The following APBB2 variants were observed in gnomAD, a reference collection of about 807,000 sequenced individuals.
APBB2 encodes amyloid beta precursor protein binding family B member 2, also known as Fe65-like 1.
In APBB2, 38 loss-of-function variants were observed where a neutral mutation model predicts 82.5. The ratio of observed to expected loss-of-function variants is 0.46; its 90% CI spans 0.36 to 0.60. The LOEUF is 0.60. APBB2 is among the 20% of genes least tolerant of loss of function. The pLI is 0.00. For synonymous variants in APBB2, 341 were observed against 368.2 expected, an observed-to-expected ratio of 0.93 and a Z score of 0.85; for missense variants, 772 against 972.3, an observed-to-expected ratio of 0.79 and a Z score of 2.74.
At chr4:40,860,932 G>A (rs985885117) in intron 12 of APBB2, among the ~76,000 whole-genome samples, 2 of 152,082 alleles carry the variant, frequency 1.3e-5, no homozygotes, top group African/African-American at 4.8e-5. Context: ...CCTACTTCCC[G>A]AGGGCTCGTC....
intron 3 of APBB2, among the ~76,000 whole-genome samples, chr4:41,081,644 T>TTTA (rs1282851520): frequency 6.6e-6 from 1 of 152,192 alleles, no homozygotes; most frequent in East Asian, 1.9e-4. Context: ...CCTCCAAACA[T>TTTA]TTATACACAG....
intron 3 of APBB2, among the ~76,000 whole-genome samples, chr4:41,078,240 T>C (rs927261367): frequency 1.3e-5 from 2 of 152,100 alleles, no homozygotes; most frequent in Admixed American, 6.5e-5. Context: ...AATATAAACA[T>C]ATTAATTTGC....
intron 12 of APBB2, among the ~76,000 whole-genome samples, chr4:40,873,267 C>A (rs1398661876): frequency 6.6e-6 from 1 of 152,042 alleles, no homozygotes; most frequent in African/African-American, 2.4e-5. Flanking sequence ...ATCTATATCT[C>A]CTCTCTTTTT....
At chr4:40,985,194 G>A (rs1010253513) in intron 6 of APBB2, among the ~76,000 whole-genome samples, 12 of 151,936 alleles carry the variant, frequency 7.9e-5, no homozygotes, top group African/African-American at 2.9e-4. Context: ...GATTACAGGC[G>A]TGAGCCACTG....
At chr4:41,135,838 C>T (rs1757406242) in intron 2 of APBB2, among the ~76,000 whole-genome samples, 1 of 152,158 alleles carries the variant, frequency 6.6e-6, no homozygotes, top group Non-Finnish European at 1.5e-5. Context: ...TCCAGGCACT[C>T]TTTTCTTTTC....
chr4:40,944,451 C>T (rs765187555), intron 7 of APBB2, among the ~76,000 whole-genome samples: 5 of 152,150 alleles, frequency 3.3e-5, no homozygotes, highest in African/African-American at 4.8e-5. Context: ...CGCTATCAAA[C>T]GAGCCCAAGG....
rs187478842 is a variant in APBB2 at position 40,893,109 on chromosome 4, C to G, written c.1401+156G>C. ...TGGCAGTGCTAAGGGATCAGTCACACGGGGGTACCATGCCTACACTTCCTG... is the reference window on the plus strand; with the variant it reads ...TGGCAGTGCTAAGGGATCAGTCACAGGGGGGTACCATGCCTACACTTCCTG... On this transcript the variant is annotated intron_variant, in intron 11 of 17. Transcript: ENST00000508593. 34 of 820,254 alleles carry G rather than the reference C, an allele frequency of 4.1e-5. No individual in the cohort carries two copies. The Admixed American group carries it at 7.4e-4, about 18-fold the overall frequency. The allele number at this position is 820,254 out of a possible 1,614,324, so 50.8% of individuals were successfully genotyped here.
rs571010454 is a variant in APBB2, at chr4:41,189,126, T to C, written c.-417+25279A>G. Among the ~76,000 whole-genome samples, 6 of 152,218 alleles carry C rather than the reference T, an allele frequency of 3.9e-5. No homozygotes were observed. The South Asian group carries it at 6.2e-4, about 16-fold the overall frequency. On this transcript the variant is annotated intron_variant, in intron 1 of 17. Transcript: ENST00000508593. ...ATCATTATTCCCAGTAGCCATAAACTGGAAAACCAAATGTCTGTCAACAGT... is the reference window on the plus strand; with the variant it reads ...ATCATTATTCCCAGTAGCCATAAACCGGAAAACCAAATGTCTGTCAACAGT...
chr4:40,913,226 C>T lies in APBB2; in HGVS notation c.1255-19815G>A, dbSNP rs113200343. ...CCAGTCTGGGGGGTCAGAGCTGGGA[C>T]GCTGTGGGCCAATGGTGAAGTTACA... On this transcript the variant is annotated intron_variant, in intron 10 of 17. Coordinates refer to ENST00000508593, the MANE Select transcript of APBB2 (RefSeq NM_004307.2). Among the ~76,000 whole-genome samples, 1,498 of 152,234 alleles carry T rather than the reference C, an allele frequency of 9.8e-3. 28 individuals are homozygous for T. The highest frequency in any genetic ancestry group is 0.034 in the African/African-American group (1,398 of 41,532).
chr4:40,939,513 G>C (rs1786289385), intron 7 of APBB2, among the ~76,000 whole-genome samples: 1 of 152,226 alleles, frequency 6.6e-6, no homozygotes, highest in Admixed American at 6.5e-5. Context: ...GATTAAGTGT[G>C]GCCTTGATAG....
At chr4:40,946,964 C>A (rs1345318580) in intron 6 of APBB2, among the ~76,000 whole-genome samples, 1 of 152,226 alleles carries the variant, frequency 6.6e-6, no homozygotes, top group Admixed American at 6.5e-5. Context: ...TCATTTAAAT[C>A]TGCCAGAAGC....
At chr4:41,168,934 C>T (rs892528024) in intron 1 of APBB2, among the ~76,000 whole-genome samples, 1 of 151,096 alleles carries the variant, frequency 6.6e-6, no homozygotes, top group African/African-American at 2.4e-5. Flanking sequence ...TGCCTGTAAT[C>T]CCAGCACTTT....
intron 4 of APBB2, among the ~76,000 whole-genome samples, chr4:41,040,954 C>A (rs1721153706): frequency 2.6e-5 from 4 of 152,230 alleles, no homozygotes; most frequent in Non-Finnish European, 5.9e-5. Flanking sequence ...AATCTCGGCT[C>A]ACTGCAAGCT....
chr4:41,008,976 A>G (rs1345299587), intron 6 of APBB2, among the ~76,000 whole-genome samples: 1 of 152,252 alleles, frequency 6.6e-6, no homozygotes. Flanking sequence ...GTTACTACAC[A>G]AGATCCATCT....
At chr4:40,849,804 T>G (rs2154323113) in intron 12 of APBB2, among the ~76,000 whole-genome samples, 1 of 147,882 alleles carries the variant, frequency 6.8e-6, no homozygotes, top group African/African-American at 2.5e-5. Flanking sequence ...CTCAGCTCAC[T>G]GCAACCTCTG....
At chr4:41,168,762 A>G (rs1767420701) in intron 1 of APBB2, among the ~76,000 whole-genome samples, 2 of 152,130 alleles carry the variant, frequency 1.3e-5, no homozygotes, top group Non-Finnish European at 2.9e-5. Flanking sequence ...GATTACCTTT[A>G]CTGTTTAAAC....
At chr4:41,169,173 C>G (rs62410009) in intron 1 of APBB2, among the ~76,000 whole-genome samples, 18,930 of 120,826 alleles carry the variant, frequency 0.16, 2,203 homozygotes, top group African/African-American at 0.37. Flanking sequence ...GACAGAGCAA[C>G]ACTCCGTCTC....
At chr4:41,209,870 G>T (rs948043011) in intron 1 of APBB2, among the ~76,000 whole-genome samples, 1 of 152,160 alleles carries the variant, frequency 6.6e-6, no homozygotes, top group African/African-American at 2.4e-5. Flanking sequence ...ACCAGACAGG[G>T]AAACACAAAA....
intron 7 of APBB2, among the ~76,000 whole-genome samples, chr4:40,939,156 AT>A (rs1451370782): frequency 6.6e-6 from 1 of 152,224 alleles, no homozygotes; most frequent in East Asian, 1.9e-4. Context: ...TACATTCCTT[AT>A]CTTTATAAAT....
Sources: allele counts gnomAD v4.1 joint callset (sites outside exome capture counted in the v4.1 genomes callset), GRCh38; gene constraint gnomAD v4.1.1; transcripts MANE v1.5; gene names NCBI Gene and HGNC (gene_info 2026-07-23, HGNC 2026-07-21).